The following VWF variants were observed in gnomAD, a reference collection of about 807,000 sequenced individuals.
VWF encodes Factor VIII related antigen.
VWF carries 176 observed loss-of-function variants against 308.6 expected under a neutral mutation model. The ratio of observed to expected loss-of-function variants is 0.57; its 90% CI spans 0.50 to 0.65. The LOEUF (loss-of-function observed/expected upper bound fraction) is 0.65, where lower values mean the gene tolerates loss of function less well. Among genes scored for constraint, VWF ranks in the 30% least tolerant of loss-of-function variants. The pLI is 0.00. For synonymous variants in VWF, 1,385 were observed against 1,443.4 expected, an observed-to-expected ratio of 0.96 and a Z score of 0.92; for missense variants, 3,146 against 3,648.2, an observed-to-expected ratio of 0.86 and a Z score of 3.55.
chr12:5,972,738 C>A (rs1315783391), intron 43 of VWF, among the ~76,000 whole-genome samples: 3 of 152,158 alleles, frequency 2.0e-5, no homozygotes, highest in Non-Finnish European at 4.4e-5. Flanking sequence ...AGATTCTAGT[C>A]ATTTACTGTG....
intron 40 of VWF, 29 bp from the exon 41 acceptor site, chr12:5,983,283 C>A (rs757719365): frequency 5.0e-6 from 8 of 1,606,270 alleles, no homozygotes; most frequent in Non-Finnish European, 1.7e-6. Context: ...GACGTCCATG[C>A]AGAGTTCAGA....
chr12:6,087,377 GAGACAGAGTC>G (rs1395673403), intron 6 of VWF, among the ~76,000 whole-genome samples: 1 of 67,448 alleles, frequency 1.5e-5, no homozygotes, highest in Non-Finnish European at 2.8e-5. Context: ...TTTTTTTTTT[GAGACAGAGTC>G]TCACCCTGTC....
chr12:6,013,619 C>T lies in VWF; in HGVS notation c.5482G>A (p.Gly1828Arg), dbSNP rs763246893. 6.2e-7 allele frequency: 1 copy of T among 1,613,464 alleles called. No individual in the cohort carries two copies. Among genetic ancestry groups the T allele is most frequent in the Non-Finnish European group, 8.5e-7 (1 of 1,179,874 alleles). Residue 1828 changes from glycine (G) to arginine (R), a missense_variant, in exon 32 of 52, where the codon GGA (glycine) becomes AGA (arginine). Around this residue, in one of 3 missense-constraint regions of VWF, gnomAD observed 853 missense variants for 1,177.8 expected, o/e 0.72. Transcript: ENST00000261405. Reference sequence around the variant, plus strand: ...AGCTGGGCTGCATCGTAGCGATCTCCAATTCCAATAGGGAACACTGTCACT... The same window carrying T: ...AGCTGGGCTGCATCGTAGCGATCTCTAATTCCAATAGGGAACACTGTCACT... ...NRVTVFPIGIGDRYDAAQLRI... is the reference protein window; with the variant it reads ...NRVTVFPIGIRDRYDAAQLRI...
Position 6,110,402 on chromosome 12 carries a change from A to G in VWF, c.504T>C (p.Phe168=). ...CTTGGGTCATAAAGTCATCTTCAGC[A>G]AAGATGTTAAAGTTGCCACACAGCC... ...TCGLCGNFNI[F]AEDDFMTQEG... The change falls in exon 5 of 52, where the codon TTT becomes TTC. Residue 168 remains phenylalanine (F), a synonymous_variant. Coordinates refer to ENST00000261405, the MANE Select transcript of VWF (RefSeq NM_000552.5). The G allele has an allele frequency of 6.2e-7, 1 of 1,614,182 alleles. No homozygotes were observed. The highest frequency in any genetic ancestry group is 8.5e-7 in the Non-Finnish European group (1 of 1,180,006).
chr12:6,092,606 T>TGA (rs1555073673), intron 6 of VWF, among the ~76,000 whole-genome samples: 1,573 of 47,576 alleles, frequency 0.033, 80 homozygotes, highest in African/African-American at 0.2. Context: ...AGCTAGTTAG[T>TGA]GAGTGAGTGA....
At position 5,993,926 on chromosome 12, in the gene VWF, G is replaced by A. The variant is rs538963110; in HGVS notation, c.6534C>T (p.Ala2178=). ...CHQEQVCEVI[A]SYAHLCRTNG... is the part of the protein sequence containing the mutation. ...TGGTCCGACAGAGGTGGGCATAAGAGGCGATCACCTCACACACTTGCTCCT... is the reference window on the plus strand; with the variant it reads ...TGGTCCGACAGAGGTGGGCATAAGAAGCGATCACCTCACACACTTGCTCCT... The change falls in exon 37 of 52, where the codon GCC becomes GCT. Residue 2178 remains alanine, a synonymous_variant. Transcript: ENST00000261405. The A allele has an allele frequency of 7.4e-5, 119 of 1,614,050 alleles. 1 individual carries two copies. The South Asian group carries it at 1.3e-3, about 17-fold the overall frequency.
Position 6,073,345 on chromosome 12 carries a change from G to A in VWF, c.997+274C>T, listed in dbSNP as rs575218250. 5.9e-5 allele frequency among the ~76,000 whole-genome samples: 9 copies of A among 152,204 alleles called. No individual in the cohort carries two copies. In the East Asian group the frequency reaches 1.2e-3, roughly 20 times the overall value. The stretch of plus-strand genomic sequence containing the variant: ...AAACAGCTCAGCTCAGATGGGCCAC[G>A]AGTTCCCCAAACAAAGTTACTGTTG... On this transcript the variant is annotated intron_variant, in intron 8 of 51. Transcript: ENST00000261405.
At position 5,957,223 on chromosome 12, in the gene VWF, T is replaced by G. The variant is rs1256325853; in HGVS notation, c.7888-3629A>C. Among the ~76,000 whole-genome samples, 5 of 152,316 alleles carry G rather than the reference T, an allele frequency of 3.3e-5. No individual in the cohort carries two copies. The East Asian group carries it at 5.8e-4, about 18-fold the overall frequency. On this transcript the variant is annotated intron_variant, in intron 47 of 51. Transcript: ENST00000261405. ...ACCATACCATCTGGATTTGCGTATG[T>G]GCACTCCACGATCTTTGCACAACAA...
rs1175137999 is a variant in VWF at position 6,063,995 on chromosome 12, A to G, written c.1432+251T>C. Among the ~76,000 whole-genome samples, 2 of 151,658 alleles carry G rather than the reference A, an allele frequency of 1.3e-5. No individual in the cohort carries two copies. The highest frequency in any genetic ancestry group is 4.9e-5 in the African/African-American group (2 of 41,232). ...CTCTCGGTTCCCTTTTCCCATCTACACTCTGTCCCAGGTCTAGAGCAACCT... is the reference window on the plus strand; with the variant it reads ...CTCTCGGTTCCCTTTTCCCATCTACGCTCTGTCCCAGGTCTAGAGCAACCT... On this transcript the variant is annotated intron_variant, in intron 12 of 51. Transcript: ENST00000261405. The surrounding 1 kb of genome is among the most constrained non-coding windows in gnomAD (Gnocchi z 4.9).
At chr12:6,029,973 G>A (rs1218560681) in intron 21 of VWF, among the ~76,000 whole-genome samples, 2 of 152,150 alleles carry the variant, frequency 1.3e-5, no homozygotes, top group Admixed American at 6.5e-5. Context: ...AGACAGAGCT[G>A]AAGAAAAAGG....
Position 6,110,387 on chromosome 12 carries a change from A to G in VWF, c.519T>C (p.Phe173=). 1 of 1,614,110 alleles carries G rather than the reference A, an allele frequency of 6.2e-7. No homozygotes were observed. The highest frequency in any genetic ancestry group is 1.3e-5 in the African/African-American group (1 of 75,064). Residue 173 remains phenylalanine (F), a synonymous_variant, in exon 5 of 52, where the codon TTT becomes TTC. Transcript: ENST00000261405. The stretch of plus-strand genomic sequence containing the variant: ...AGAACATCTTACCTTCTTGGGTCAT[A>G]AAGTCATCTTCAGCAAAGATGTTAA... ...GNFNIFAEDD[F]MTQEGTLTSD... is the part of the protein sequence containing the mutation.
chr12:6,086,581 C>A (rs1336067022), intron 6 of VWF, among the ~76,000 whole-genome samples: 1 of 152,150 alleles, frequency 6.6e-6, no homozygotes, highest in Non-Finnish European at 1.5e-5. Context: ...CAAGAAAAGT[C>A]CATTCCAGAC....
intron 38 of VWF, among the ~76,000 whole-genome samples, chr12:5,989,559 T>C (rs1943714802): frequency 6.6e-6 from 1 of 152,232 alleles, no homozygotes. Flanking sequence ...TTTTACCTGA[T>C]TTTAAAATAT....
At chr12:6,092,638 T>C (rs879508521) in intron 6 of VWF, among the ~76,000 whole-genome samples, 1 of 99,374 alleles carries the variant, frequency 1.0e-5, no homozygotes, top group Non-Finnish European at 1.9e-5. Flanking sequence ...TGTGTGTGTG[T>C]GTGTGTGTGT....
At chr12:6,076,363 G>GT (rs1323827980) in intron 6 of VWF, among the ~76,000 whole-genome samples, 1 of 152,136 alleles carries the variant, frequency 6.6e-6, no homozygotes, top group Non-Finnish European at 1.5e-5. Context: ...TTCCCACAGT[G>GT]TAACATCTCT....
intron 19 of VWF, 51 bp downstream of exon 19, chr12:6,036,337 A>C (rs1591875438): frequency 6.4e-7 from 1 of 1,565,104 alleles, no homozygotes; most frequent in Non-Finnish European, 8.8e-7. Flanking sequence ...GTGCACCCTC[A>C]CTCCACCCGC....
intron 42 of VWF, among the ~76,000 whole-genome samples, chr12:5,980,379 G>A (rs1045322045): frequency 6.6e-6 from 1 of 152,114 alleles, no homozygotes; most frequent in African/African-American, 2.4e-5. Context: ...AATCCCCTGG[G>A]TCTAACTTCT....
intron 6 of VWF, among the ~76,000 whole-genome samples, chr12:6,088,280 C>T (rs1194649052): frequency 2.0e-5 from 3 of 151,834 alleles, no homozygotes; most frequent in Non-Finnish European, 4.4e-5. Flanking sequence ...AGATCGAGAC[C>T]ATCCTGGCTA....
chr12:5,994,232 T>C, intron 36 of VWF, 29 bp from the exon 37 acceptor site: 1 of 1,612,658 alleles, frequency 6.2e-7, no homozygotes, highest in Non-Finnish European at 8.5e-7. Context: ...AAAAAAAAGA[T>C]AAACTGAGTG....
Sources: gnomAD v4.1 joint callset for allele counts (sites outside exome capture counted in the v4.1 genomes callset) on GRCh38, gnomAD v4.1.1 for gene constraint, gnomAD v4.1.1 regional missense constraint, Gnocchi (gnomAD v3.1) non-coding constraint, MANE v1.5 for transcripts, NCBI Gene and HGNC (gene_info 2026-07-23, HGNC 2026-07-21) for gene names.